Variants in RBFOX3 observed in about 807,000 individuals in gnomAD.
RBFOX3 encodes RNA binding fox-1 homolog 3, also known as RNA binding protein fox-1 homolog 3.
A neutral mutation model predicts 48.7 loss-of-function variants in RBFOX3; 17 were observed. The observed-to-expected ratio is 0.35, with a 90% confidence interval of 0.24 to 0.52. The LOEUF is 0.52. Among genes scored for constraint, RBFOX3 ranks in the 20% least tolerant of loss-of-function variants. The pLI is 0.94. For synonymous variants in RBFOX3, 212 were observed against 209.5 expected (o/e 1.01, Z -0.10); for missense variants, 382 against 497.5 (o/e 0.77, Z 2.21).
At chr17:79,431,027 GAAC>G (rs1428585527) in intron 2 of RBFOX3, among the ~76,000 whole-genome samples, 1 of 152,170 alleles carries the variant, frequency 6.6e-6, no homozygotes, top group Non-Finnish European at 1.5e-5. Context: ...GTGGCCAGAA[GAAC>G]AACTTCAAGT....
the RBFOX3 span, among the ~76,000 whole-genome samples, chr17:79,617,290 C>T: frequency 6.6e-6 from 1 of 152,080 alleles, no homozygotes; most frequent in Non-Finnish European, 1.5e-5. Context: ...CTTAGCCTAC[C>T]AGCCTAAAAA....
chr17:79,329,428 G>A (rs1334578047), intron 2 of RBFOX3, among the ~76,000 whole-genome samples: 1 of 152,062 alleles, frequency 6.6e-6, no homozygotes, highest in Admixed American at 6.5e-5. Context: ...CATGGAAGTG[G>A]CTCCCCCAGC....
rs2061440804 is a variant in RBFOX3, at chr17:79,392,053, A to G, written c.-174-84229T>C. ...TTGGAAACAGACACCGACAAGCAAC[A>G]GGGTTCCCATAGTGCCCGGGCACTT... On this transcript the variant is annotated intron_variant, in intron 2 of 14. Transcript: ENST00000693108. The surrounding 1 kb of genome is among the most constrained non-coding windows in gnomAD (Gnocchi z 5.0). 6.6e-6 allele frequency among the ~76,000 whole-genome samples: 1 copy of G among 152,176 alleles called. No individual in the cohort carries two copies. Among genetic ancestry groups the G allele is most frequent in the South Asian group, 2.1e-4 (1 of 4,828 alleles).
chr17:79,223,334 T>C (rs887292558), intron 4 of RBFOX3, among the ~76,000 whole-genome samples: 1 of 152,122 alleles, frequency 6.6e-6, no homozygotes, highest in African/African-American at 2.4e-5. Flanking sequence ...TGCATGTGTA[T>C]CTGCACACAC....
At position 79,242,400 on chromosome 17, in the gene RBFOX3, A is replaced by T. The variant is rs973656048; in HGVS notation, c.-73-6595T>A. Among the ~76,000 whole-genome samples, 2 of 152,178 alleles carry T rather than the reference A, an allele frequency of 1.3e-5. No homozygotes were observed. The highest frequency in any genetic ancestry group is 4.8e-5 in the African/African-American group (2 of 41,436). ...TTATAAATCACTATAAAATTATAAA[A>T]TTTTTTATAAATTATAAAAAATCAA... On this transcript the variant is annotated intron_variant, in intron 3 of 14. Transcript: ENST00000693108. The surrounding 1 kb of genome is among the most constrained non-coding windows in gnomAD (Gnocchi z 5.8).
chr17:79,606,153 G>A (rs1031876640), intron 1 of RBFOX3, among the ~76,000 whole-genome samples: 1 of 152,198 alleles, frequency 6.6e-6, no homozygotes, highest in East Asian at 1.9e-4. Flanking sequence ...CTAGAGACCA[G>A]GAAGAAACCA....
intron 1 of RBFOX3, among the ~76,000 whole-genome samples, chr17:79,525,609 T>A (rs2086689664): frequency 6.6e-6 from 1 of 152,212 alleles, no homozygotes. Context: ...CACATACGTG[T>A]AATCAAATCA....
In RBFOX3 at chr17:79,391,291, C is replaced by G. The variant is rs1237918977; in HGVS notation, c.-174-83467G>C. On this transcript the variant is annotated intron_variant, in intron 2 of 14. Transcript: ENST00000693108. This position sits in a 1 kb window ranked among gnomAD's most constrained non-coding sequence, Gnocchi z 5.0. ...CTGGGGTCTCAGCTCCAGCACCTCTCACCTGACCCTCAATGACCAGCTGTC... is the reference window on the plus strand; with the variant it reads ...CTGGGGTCTCAGCTCCAGCACCTCTGACCTGACCCTCAATGACCAGCTGTC... 6.6e-6 allele frequency among the ~76,000 whole-genome samples: 1 copy of G among 152,146 alleles called. No individual in the cohort carries two copies. Among genetic ancestry groups the G allele is most frequent in the Non-Finnish European group, 1.5e-5 (1 of 68,038 alleles).
intron 1 of RBFOX3, among the ~76,000 whole-genome samples, chr17:79,541,038 G>C (rs978339733): frequency 2.6e-4 from 40 of 152,136 alleles, no homozygotes; most frequent in Admixed American, 1.3e-4. Context: ...CCACAGACGA[G>C]ACATTAGCGT....
At chr17:79,330,811 C>T (rs2080161472) in intron 2 of RBFOX3, among the ~76,000 whole-genome samples, 1 of 152,196 alleles carries the variant, frequency 6.6e-6, no homozygotes, top group Admixed American at 6.5e-5. Flanking sequence ...AAGGATGGAC[C>T]CTCCCTTCGG....
intron 2 of RBFOX3, among the ~76,000 whole-genome samples, chr17:79,395,537 T>C (rs1267029254): frequency 6.6e-6 from 1 of 152,240 alleles, no homozygotes. Flanking sequence ...CCAAGAGCTC[T>C]GGGCTGTGGT....
intron 1 of RBFOX3, among the ~76,000 whole-genome samples, chr17:79,514,770 T>C (rs1360409660): frequency 6.6e-6 from 1 of 152,124 alleles, no homozygotes; most frequent in Non-Finnish European, 1.5e-5. Context: ...AGCATTTCTA[T>C]TTGGTTAAGG....
intron 1 of RBFOX3, among the ~76,000 whole-genome samples, chr17:79,564,746 A>G (rs1284511179): frequency 6.6e-6 from 1 of 152,200 alleles, no homozygotes; most frequent in Admixed American, 6.5e-5. Flanking sequence ...CAGCCACTGA[A>G]GTGTGTGGTT....
At chr17:79,632,588 T>C in the RBFOX3 span, among the ~76,000 whole-genome samples, 1 of 152,018 alleles carries the variant, frequency 6.6e-6, no homozygotes, top group African/African-American at 2.4e-5. Flanking sequence ...TGCTCTTCCC[T>C]GGCATGCACG....
At chr17:79,506,075 A>G (rs1394780282) in intron 1 of RBFOX3, among the ~76,000 whole-genome samples, 1 of 152,244 alleles carries the variant, frequency 6.6e-6, no homozygotes, top group African/African-American at 2.4e-5. Context: ...TTCCCAGGCT[A>G]AGAATAACAG....
intron 1 of RBFOX3, among the ~76,000 whole-genome samples, chr17:79,574,034 G>A (rs2092774937): frequency 1.3e-5 from 2 of 152,192 alleles, no homozygotes. Flanking sequence ...TGGAGAAGGT[G>A]GGCTGGCCCT....
chr17:79,347,460 T>C (rs1458300580), intron 2 of RBFOX3, among the ~76,000 whole-genome samples: 3 of 152,230 alleles, frequency 2.0e-5, no homozygotes, highest in Non-Finnish European at 1.5e-5. Context: ...TTTCTCTCTT[T>C]GTAGGACTTC....
chr17:79,641,234 G>A, the RBFOX3 span, among the ~76,000 whole-genome samples: 1 of 152,056 alleles, frequency 6.6e-6, no homozygotes, highest in African/African-American at 2.4e-5. Context: ...GAAATGCAAA[G>A]CAAAACCACA....
At chr17:79,345,914 T>C (rs1239142883) in intron 2 of RBFOX3, among the ~76,000 whole-genome samples, 2 of 152,116 alleles carry the variant, frequency 1.3e-5, no homozygotes, top group Admixed American at 6.6e-5. Flanking sequence ...ATGAGATTTG[T>C]TTTTTGTTTG....
Sources: allele counts gnomAD v4.1 joint callset (sites outside exome capture counted in the v4.1 genomes callset), GRCh38; gene constraint gnomAD v4.1.1; non-coding constraint Gnocchi (gnomAD v3.1); transcripts MANE v1.5; gene names NCBI Gene and HGNC (gene_info 2026-07-23, HGNC 2026-07-21).